The following CCNH variants were observed in gnomAD, a reference collection of about 807,000 sequenced individuals.
The protein encoded by CCNH is cyclin-H.
A neutral mutation model predicts 41.9 loss-of-function variants in CCNH; 31 were observed. The ratio of observed to expected loss-of-function variants is 0.74; its 90% CI spans 0.56 to 1.00. The LOEUF is 1.00. Among genes scored for constraint, CCNH ranks in the 50% least tolerant of loss-of-function variants. CCNH has a pLI of 0.00. For synonymous variants in CCNH, 138 were observed against 136.1 expected (o/e 1.01, Z -0.10); for missense variants, 362 against 388.4 (o/e 0.93, Z 0.57).
intron 9 of CCNH, among the ~76,000 whole-genome samples, chr5:87,357,301 G>A (rs1383293661): frequency 6.6e-6 from 1 of 151,892 alleles, no homozygotes; most frequent in Admixed American, 6.6e-5. Context: ...TTTAGACCAT[G>A]GCTAGGATCT....
At chr5:87,401,067 A>G (rs1763370459) in intron 6 of CCNH, among the ~76,000 whole-genome samples, 1 of 152,224 alleles carries the variant, frequency 6.6e-6, no homozygotes, top group South Asian at 2.1e-4. Context: ...ACGGAAGTGT[A>G]TTCTCTCATA....
At chr5:87,393,474 A>ATAACT (rs1355106627), downstream of CCNH, 8 of 152,230 alleles carry the variant, frequency 5.3e-5, no homozygotes, top group East Asian at 1.5e-3. Flanking sequence ...TAGAGGTTTA[A>ATAACT]TAACTTACCA....
At chr5:87,334,758 A>G (rs1468953459) in intron 9 of CCNH, among the ~76,000 whole-genome samples, 1 of 152,186 alleles carries the variant, frequency 6.6e-6, no homozygotes, top group Admixed American at 6.5e-5. Flanking sequence ...TATTTATTGA[A>G]TTTCAACCTG....
chr5:87,377,697 T>G (rs1440325714), upstream of CCNH, among the ~76,000 whole-genome samples: 1 of 152,090 alleles, frequency 6.6e-6, no homozygotes. Context: ...AGATAGGTAG[T>G]TCCCAAGCTG....
At chr5:87,329,532 A>G (rs1047860932) in intron 9 of CCNH, among the ~76,000 whole-genome samples, 3 of 152,194 alleles carry the variant, frequency 2.0e-5, no homozygotes, top group Non-Finnish European at 4.4e-5. Context: ...ATAAAGTAGT[A>G]ATTGTGTAAT....
chr5:87,372,098 AG>A (rs1302054698), downstream of CCNH: 2 of 1,610,468 alleles, frequency 1.2e-6, no homozygotes, highest in Non-Finnish European at 8.5e-7. Flanking sequence ...ATTTCTTTGA[AG>A]TGCTGTTTTT....
In CCNH at chr5:87,341,362, T is replaced by A. The variant is rs544529256; in HGVS notation, c.*91-22465A>T. The A allele has an allele frequency of 1.0e-4, 127 of 1,243,298 alleles. 1 individual carries two copies. The South Asian group carries it at 2.0e-3, about 20-fold the overall frequency. The allele number at this position is 1,243,298 out of a possible 1,614,324, so 77.0% of individuals were successfully genotyped here. Reference sequence around the variant, plus strand: ...TTATTAAAATGAAAAAAAAAATCTATATTGTAAATTTACTAATTGGAAAAC... The same window carrying A: ...TTATTAAAATGAAAAAAAAAATCTAAATTGTAAATTTACTAATTGGAAAAC... On this transcript the variant is annotated intron_variant and NMD_transcript_variant, in intron 9 of 9. Coordinates refer to the CCNH transcript ENST00000645953.
the CCNH span, among the ~76,000 whole-genome samples, chr5:87,313,288 T>C: frequency 6.6e-6 from 1 of 152,304 alleles, no homozygotes; most frequent in African/African-American, 2.4e-5. Context: ...ATTTTGGCTC[T>C]CCCTGGAGGT....
chr5:87,363,286 TA>T, intron 9 of CCNH: 1 of 1,388,806 alleles, frequency 7.2e-7, no homozygotes, highest in Non-Finnish European at 1.0e-6. Flanking sequence ...ACACTAATTT[TA>T]ATAATATGTA....
intron 9 of CCNH, among the ~76,000 whole-genome samples, chr5:87,348,910 G>T (rs1446269169): frequency 1.3e-5 from 2 of 151,842 alleles, no homozygotes; most frequent in African/African-American, 4.8e-5. Context: ...CTATGCTTAG[G>T]TTCCTTCCAA....
chr5:87,391,504 A>C (rs1762513103), downstream of CCNH: 1 of 237,864 alleles, frequency 4.2e-6, no homozygotes, highest in Admixed American at 5.2e-5. Flanking sequence ...ATTGCTCATC[A>C]GCTTTATTTT....
upstream of CCNH, among the ~76,000 whole-genome samples, chr5:87,381,208 C>T (rs965702573): frequency 6.6e-6 from 1 of 152,030 alleles, no homozygotes; most frequent in Admixed American, 6.6e-5. Context: ...CTTATTTTTC[C>T]AATGAAGAAG....
downstream of CCNH, chr5:87,389,583 G>A: frequency 6.3e-7 from 1 of 1,591,240 alleles, no homozygotes. Context: ...CACTTAGAGA[G>A]TTAATAAATA....
chr5:87,372,267 T>A, downstream of CCNH: 1 of 1,398,426 alleles, frequency 7.2e-7, no homozygotes. Flanking sequence ...TATTTTATTT[T>A]TATCTGAACT....
At chr5:87,323,597 CAT>C (rs1756989428) in intron 9 of CCNH, among the ~76,000 whole-genome samples, 1 of 152,142 alleles carries the variant, frequency 6.6e-6, no homozygotes, top group Non-Finnish European at 1.5e-5. Flanking sequence ...AGTAAGGTAA[CAT>C]GTCTGCATAT....
intron 9 of CCNH, among the ~76,000 whole-genome samples, chr5:87,345,598 A>G (rs1758806018): frequency 6.6e-6 from 1 of 152,180 alleles, no homozygotes; most frequent in African/African-American, 2.4e-5. Context: ...TGAATCAGTG[A>G]GTTAATGCTT....
chr5:87,328,442 T>C (rs773231354), intron 9 of CCNH, among the ~76,000 whole-genome samples: 9 of 152,222 alleles, frequency 5.9e-5, no homozygotes, highest in Non-Finnish European at 1.3e-4. Flanking sequence ...TGTTTTCTTG[T>C]ATTTCTTTGT....
chr5:87,390,240 G>A (rs1022065810), downstream of CCNH, among the ~76,000 whole-genome samples: 10 of 152,184 alleles, frequency 6.6e-5, no homozygotes, highest in Non-Finnish European at 1.3e-4. Context: ...AAGGGCTACT[G>A]AGAGGAAGTG....
At chr5:87,388,208 G>A (rs890659756), downstream of CCNH, among the ~76,000 whole-genome samples, 1 of 152,142 alleles carries the variant, frequency 6.6e-6, no homozygotes, top group South Asian at 2.1e-4. Flanking sequence ...GTCTTTCATC[G>A]CTATAAACCT....
Sources: gnomAD v4.1 joint callset for allele counts (sites outside exome capture counted in the v4.1 genomes callset) on GRCh38, gnomAD v4.1.1 for gene constraint, MANE v1.5 for transcripts, NCBI Gene and HGNC (gene_info 2026-07-23, HGNC 2026-07-21) for gene names.